ZNRF3: variants seen among roughly 807,000 people sequenced by gnomAD.
ZNRF3 encodes the protein zinc and ring finger 3.
A neutral mutation model predicts 72.5 loss-of-function variants in ZNRF3; 23 were observed. The ratio of observed to expected loss-of-function variants is 0.32; its 90% confidence interval spans 0.23 to 0.45. The LOEUF (loss-of-function observed/expected upper bound fraction) is 0.45, where lower values mean the gene tolerates loss of function less well. Ranked by LOEUF, ZNRF3 falls within the 20% of genes least tolerant of loss-of-function variation. ZNRF3 has a pLI of 1.00. For missense variants in ZNRF3, 1,169 were observed against 1,272.1 expected, an observed-to-expected ratio of 0.92 and a Z score of 1.23; for synonymous variants, 610 against 545.3, an observed-to-expected ratio of 1.12 and a Z score of -1.65.
intron 2 of ZNRF3, among the ~76,000 whole-genome samples, chr22:29,008,246 CAG>C (rs2036293169): frequency 6.6e-6 from 1 of 152,126 alleles, no homozygotes; most frequent in Non-Finnish European, 1.5e-5. Flanking sequence ...CTGAATAGTT[CAG>C]AGTCTGGCCA....
At chr22:29,022,650 T>A (rs1021493172) in intron 2 of ZNRF3, among the ~76,000 whole-genome samples, 2 of 152,262 alleles carry the variant, frequency 1.3e-5, no homozygotes, top group African/African-American at 4.8e-5. Flanking sequence ...AAGTCTGAGT[T>A]ACGCAGATGT....
intron 3 of ZNRF3, among the ~76,000 whole-genome samples, chr22:29,042,801 G>A (rs1251163007): frequency 1.3e-5 from 2 of 151,546 alleles, no homozygotes; most frequent in African/African-American, 4.9e-5. Flanking sequence ...CCGAGATGGA[G>A]TCTTGCTCTG....
At chr22:29,025,534 T>A (rs2036617083) in intron 2 of ZNRF3, 1 of 151,914 alleles carries the variant, frequency 6.6e-6, no homozygotes, top group African/African-American at 2.4e-5. Flanking sequence ...TTTGTTTCCC[T>A]TGTTGGTCTA....
intron 1 of ZNRF3, among the ~76,000 whole-genome samples, chr22:28,942,688 G>C (rs2034969087): frequency 6.6e-6 from 1 of 152,190 alleles, no homozygotes. Context: ...ATGTGAAAGA[G>C]ACTGTTTGAG....
intron 1 of ZNRF3, among the ~76,000 whole-genome samples, chr22:28,896,959 A>C (rs1263820556): frequency 6.6e-6 from 1 of 152,162 alleles, no homozygotes; most frequent in East Asian, 1.9e-4. Flanking sequence ...AAAAGAGACC[A>C]AGTCTCACTA....
intron 1 of ZNRF3, among the ~76,000 whole-genome samples, chr22:28,902,084 G>A (rs1442405977): frequency 6.6e-6 from 1 of 151,168 alleles, no homozygotes; most frequent in East Asian, 2.0e-4. Flanking sequence ...TTACAGGTGT[G>A]CACCACCATG....
At chr22:29,001,059 CTTTTTTTTTTTTTT>C (rs773296494) in intron 2 of ZNRF3, among the ~76,000 whole-genome samples, 1 of 77,898 alleles carries the variant, frequency 1.3e-5, no homozygotes, top group Non-Finnish European at 2.6e-5. Flanking sequence ...AAAGCTTTGC[CTTTTTTTTTTTTTT>C]TTTTTTTTTT....
intron 1 of ZNRF3, among the ~76,000 whole-genome samples, chr22:28,943,681 G>C (rs575220643): frequency 1.3e-5 from 2 of 152,194 alleles, no homozygotes; most frequent in Admixed American, 6.5e-5. Flanking sequence ...ACACATGGGG[G>C]GGGAGGGGTG....
At chr22:29,006,397 G>A (rs2123848730) in intron 2 of ZNRF3, among the ~76,000 whole-genome samples, 1 of 152,194 alleles carries the variant, frequency 6.6e-6, no homozygotes, top group East Asian at 1.9e-4. Flanking sequence ...ATTTTTAGTA[G>A]AGATGGGGTT....
chr22:29,028,071 C>A (rs1320605296), intron 2 of ZNRF3, among the ~76,000 whole-genome samples: 1 of 152,136 alleles, frequency 6.6e-6, no homozygotes, highest in Admixed American at 6.5e-5. Context: ...TCTACTAATA[C>A]AAAATCACGT....
intron 2 of ZNRF3, among the ~76,000 whole-genome samples, chr22:29,028,926 T>C (rs559542264): frequency 2.6e-4 from 39 of 152,308 alleles, no homozygotes; most frequent in East Asian, 7.7e-4. Context: ...GTCCAAACCA[T>C]TCCCAGCATC....
rs754178555 is a variant in ZNRF3 at position 29,049,268 on chromosome 22, A to T, written c.1087A>T (p.Thr363Ser). The change falls in exon 8 of 9, where the codon ACC becomes TCC. Residue 363 changes from threonine (T) to serine (S), a missense_variant. Physicochemically the swap from Thr to Ser is moderately conservative, Grantham distance 58 (BLOSUM62 1). This residue lies in a region of ZNRF3 where 386 missense variants were observed against 540.7 expected (regional missense o/e 0.71). Transcript: ENST00000544604. This position sits in a 1 kb window ranked among gnomAD's most constrained non-coding sequence, Gnocchi z 5.2. ...CTCACGTGGTCGGCAGCAGAGGGTG[A>T]CCCTGCCGGTGCATTACCCCGGCCG... Reference protein sequence around the residue: ...NLSRGRQQRVTLPVHYPGRVH... With the variant: ...NLSRGRQQRVSLPVHYPGRVH... The T allele has an allele frequency of 6.2e-7, 1 of 1,613,656 alleles. No homozygotes were observed. Among genetic ancestry groups the T allele is most frequent in the South Asian group, 1.1e-5 (1 of 91,054 alleles).
At chr22:28,937,205 ATATATATATATTTTT>A (rs1310855597) in intron 1 of ZNRF3, among the ~76,000 whole-genome samples, 13 of 4,046 alleles carry the variant, frequency 3.2e-3, no homozygotes, top group East Asian at 0.016. Flanking sequence ...ATATATATAT[ATATATATATATTTTT>A]TTTTTTTTTT....
intron 2 of ZNRF3, among the ~76,000 whole-genome samples, chr22:28,988,016 A>G (rs530283591): frequency 6.6e-6 from 1 of 152,326 alleles, no homozygotes; most frequent in East Asian, 1.9e-4. Flanking sequence ...CATTACTTTG[A>G]CTGCAGTATA....
chr22:29,037,439 A>T (rs991548774), intron 2 of ZNRF3, among the ~76,000 whole-genome samples: 7 of 152,196 alleles, frequency 4.6e-5, no homozygotes, highest in African/African-American at 1.7e-4. Flanking sequence ...ATGAAAGAAA[A>T]CCACATAACA....
rs1479823221 is a variant in ZNRF3 at position 29,043,362 on chromosome 22, A to G, written c.565A>G (p.Ile189Val). ...PVVYVKGADA[I>V]KLMNIVNKQK... ...GGTGTATGTGAAGGGTGCAGATGCC[A>G]TTAAGCTGATGAACATCGTCAACAA... Residue 189 changes from isoleucine (I) to valine (V), a missense_variant, in exon 4 of 9, where the codon ATT becomes GTT. By Grantham distance (29) the Ile-to-Val change is conservative. Around this residue, in one of 2 missense-constraint regions of ZNRF3, gnomAD observed 386 missense variants for 540.7 expected, o/e 0.71. Coordinates refer to ENST00000544604, the MANE Select transcript of ZNRF3 (RefSeq NM_001206998.2). 6.2e-7 allele frequency: 1 copy of G among 1,613,954 alleles called. No homozygotes were observed. Among genetic ancestry groups the G allele is most frequent in the African/African-American group, 1.3e-5 (1 of 74,888 alleles).
At chr22:28,887,245 T>A (rs1038186177) in intron 1 of ZNRF3, among the ~76,000 whole-genome samples, 14 of 151,298 alleles carry the variant, frequency 9.3e-5, no homozygotes, top group African/African-American at 1.9e-4. Context: ...AGTGTGTGTG[T>A]GTGTGTGTGT....
intron 1 of ZNRF3, among the ~76,000 whole-genome samples, chr22:28,894,237 C>T (rs780578100): frequency 3.3e-5 from 5 of 151,674 alleles, no homozygotes; most frequent in South Asian, 2.1e-4. Context: ...AGACTATAGG[C>T]GTGAGCCACT....
At chr22:28,975,188 G>A (rs1234932498) in intron 1 of ZNRF3, among the ~76,000 whole-genome samples, 1 of 152,070 alleles carries the variant, frequency 6.6e-6, no homozygotes, top group Non-Finnish European at 1.5e-5. Context: ...GGAGTCCGAG[G>A]CGGGCGGATC....
Sources: allele counts gnomAD v4.1 joint callset (sites outside exome capture counted in the v4.1 genomes callset), GRCh38; gene constraint gnomAD v4.1.1; regional missense constraint gnomAD v4.1.1; non-coding constraint Gnocchi (gnomAD v3.1); transcripts MANE v1.5; gene names NCBI Gene and HGNC (gene_info 2026-07-23, HGNC 2026-07-21).